The following OMA1 variants were observed in gnomAD, a reference collection of about 807,000 sequenced individuals.
OMA1 encodes the protein OMA1 zinc metallopeptidase, also known as metalloendopeptidase OMA1, mitochondrial.
A neutral mutation model predicts 30.9 loss-of-function variants in OMA1; 38 were observed. The ratio of observed to expected loss-of-function variants is 1.23; its 90% CI spans 0.95 to 1.61. The LOEUF (loss-of-function observed/expected upper bound fraction) is 1.61. OMA1 is among the 40% of genes most tolerant of loss of function. The pLI is 0.00. For synonymous variants in OMA1, 173 were observed against 121.9 expected (o/e 1.42, Z -2.76); for missense variants, 461 against 349.2 (o/e 1.32, Z -2.55).
At chr1:58,530,524 G>C in intron 6 of OMA1, 77 bp downstream of exon 6, 1 of 744,518 alleles carries the variant, frequency 1.3e-6, no homozygotes. Context: ...AACATCTCTG[G>C]ATTTGCTGCT....
rs150791156 is a variant in OMA1 at position 58,518,339 on chromosome 1, A to G, written c.1215+8922T>C. Among the ~76,000 whole-genome samples, 21 of 97,856 alleles carry G rather than the reference A, an allele frequency of 2.1e-4. 2 individuals carry two copies. Among genetic ancestry groups the G allele is most frequent in the Admixed American group, 3.7e-4 (4 of 10,746 alleles). 64.2% of individuals were successfully genotyped at this position (97,856 alleles called of 152,430 possible). A position where few individuals can be genotyped will look rare whatever the true frequency, so the allele number is the denominator to read the frequency against. ...AGAAGAGAAGAGAAGAGAAGAGAAG[A>G]GAAGAGAAGAGAAGGGAAGGGAAGA... On this transcript the variant is annotated intron_variant, in intron 7 of 8. Transcript: ENST00000371226.
intron 1 of OMA1, 121 bp from the exon 2 acceptor site, chr1:58,539,431 T>C: frequency 1.6e-6 from 1 of 616,516 alleles, no homozygotes; most frequent in Non-Finnish European, 2.8e-6. Flanking sequence ...CTAAATTACC[T>C]TGGGTTTCAA....
chr1:58,538,738 C>A (rs879291741), intron 2 of OMA1, 57 bp downstream of exon 2: 19 of 697,808 alleles, frequency 2.7e-5, no homozygotes, highest in Non-Finnish European at 3.7e-5. Flanking sequence ...TACGTTAGCA[C>A]AAAATATTAA....
chr1:58,521,833 A>T (rs1016202415), intron 7 of OMA1, among the ~76,000 whole-genome samples: 17 of 152,166 alleles, frequency 1.1e-4, no homozygotes, highest in Non-Finnish European at 4.4e-5. Context: ...CCAAACGTTT[A>T]AAAAATAAAT....
intron 1 of OMA1, among the ~76,000 whole-genome samples, chr1:58,544,309 G>C (rs11207252): frequency 0.65 from 98,782 of 152,000 alleles, 34,193 homozygotes; most frequent in East Asian, 0.94. Context: ...CTAAATGCTA[G>C]GCACCATAAT....
intron 3 of OMA1, 29 bp downstream of exon 3, chr1:58,536,484 T>C: frequency 1.2e-6 from 1 of 835,514 alleles, no homozygotes. Context: ...TATTAAGCAG[T>C]CTAATTAAAA....
chr1:58,536,490 TA>T (rs763503776), intron 3 of OMA1, 22 bp downstream of exon 3: 185 of 850,518 alleles, frequency 2.2e-4, no homozygotes, highest in Non-Finnish European at 3.6e-4. Context: ...GCAGTCTAAT[TA>T]AAAACAACTC....
At chr1:58,536,217 G>A (rs1646514666) in intron 3 of OMA1, among the ~76,000 whole-genome samples, 1 of 152,040 alleles carries the variant, frequency 6.6e-6, no homozygotes, top group African/African-American at 2.4e-5. Flanking sequence ...ACCTCCTAGG[G>A]CCTGATCCAG....
intron 7 of OMA1, among the ~76,000 whole-genome samples, chr1:58,519,825 G>T (rs1339199616): frequency 6.6e-6 from 1 of 152,108 alleles, no homozygotes; most frequent in Non-Finnish European, 1.5e-5. Flanking sequence ...CCAGAGAAGT[G>T]AAATTTATAA....
intron 7 of OMA1, among the ~76,000 whole-genome samples, chr1:58,514,433 T>G (rs766455724): frequency 6.0e-4 from 92 of 152,190 alleles, no homozygotes; most frequent in Non-Finnish European, 1.2e-3. Context: ...TCATTAGAAA[T>G]GCAAAGATGA....
At chr1:58,521,277 C>T (rs1300958731) in intron 7 of OMA1, among the ~76,000 whole-genome samples, 1 of 150,478 alleles carries the variant, frequency 6.6e-6, no homozygotes, top group Non-Finnish European at 1.5e-5. Context: ...TGCAACATGA[C>T]AAGTAAAGAT....
chr1:58,538,486 A>AATATAAG (rs1243519164), intron 2 of OMA1, among the ~76,000 whole-genome samples: 4 of 149,384 alleles, frequency 2.7e-5, no homozygotes, highest in Non-Finnish European at 4.5e-5. Context: ...TGTAGTCATA[A>AATATAAG]ATATAAGATT....
chr1:58,520,219 G>C (rs138603687), intron 7 of OMA1, among the ~76,000 whole-genome samples: 43 of 152,048 alleles, frequency 2.8e-4, no homozygotes, highest in African/African-American at 9.6e-4. Flanking sequence ...CCACGTAACA[G>C]ACCTGCACGT....
intron 8 of OMA1, among the ~76,000 whole-genome samples, chr1:58,500,811 G>C (rs1410971650): frequency 6.6e-6 from 1 of 152,130 alleles, no homozygotes; most frequent in Non-Finnish European, 1.5e-5. Context: ...TGGAGAATAA[G>C]AAATTCAGTC....
intron 3 of OMA1, among the ~76,000 whole-genome samples, chr1:58,535,290 T>C (rs1391761502): frequency 1.3e-5 from 2 of 152,146 alleles, no homozygotes; most frequent in Non-Finnish European, 1.5e-5. Context: ...TCATAAAGTG[T>C]ATGCTTTTTT....
chr1:58,532,261 A>C (rs771282802), intron 5 of OMA1, among the ~76,000 whole-genome samples: 2 of 152,166 alleles, frequency 1.3e-5, no homozygotes, highest in African/African-American at 2.4e-5. Flanking sequence ...ATTAATAACT[A>C]TGTTCTATTT....
intron 8 of OMA1, among the ~76,000 whole-genome samples, chr1:58,505,379 A>G (rs543107300): frequency 6.6e-6 from 1 of 152,380 alleles, no homozygotes; most frequent in African/African-American, 2.4e-5. Flanking sequence ...GAGAGCGTGT[A>G]ACGTGGCTCA....
At chr1:58,538,771 T>G in intron 2 of OMA1, 24 bp downstream of exon 2, 1 of 729,686 alleles carries the variant, frequency 1.4e-6, no homozygotes, top group East Asian at 2.5e-5. Flanking sequence ...ATATAAAAGT[T>G]TTTATTCTAA....
chr1:58,486,346 G>A (rs1020225905), intron 8 of OMA1, among the ~76,000 whole-genome samples: 9 of 152,254 alleles, frequency 5.9e-5, no homozygotes, highest in Middle Eastern at 3.4e-3. Flanking sequence ...AATTAAAACC[G>A]AAGACTCCTA....
Sources: gnomAD v4.1 joint callset for allele counts (sites outside exome capture counted in the v4.1 genomes callset) on GRCh38, gnomAD v4.1.1 for gene constraint, MANE v1.5 for transcripts, NCBI Gene and HGNC (gene_info 2026-07-23, HGNC 2026-07-21) for gene names.